Variants in ENAH observed in about 807,000 individuals in gnomAD.
ENAH encodes the protein ENAH actin regulator.
ENAH carries 23 observed loss-of-function variants against 78.7 expected under a neutral mutation model. The observed-to-expected ratio is 0.29, with a 90% CI of 0.21 to 0.41. The LOEUF (loss-of-function observed/expected upper bound fraction) is 0.41, where lower values mean the gene tolerates loss of function less well. ENAH is among the 10% of genes least tolerant of loss of function. The pLI, the probability that ENAH is intolerant of heterozygous loss-of-function variation, is 1.00. For missense variants in ENAH, 544 were observed against 691.0 expected, an observed-to-expected ratio of 0.79 and a Z score of 2.39; for synonymous variants, 226 against 241.0, an observed-to-expected ratio of 0.94 and a Z score of 0.58.
chr1:225,598,691 T>A, intron 1 of ENAH, among the ~76,000 whole-genome samples: 1 of 149,404 alleles, frequency 6.7e-6, no homozygotes. Flanking sequence ...TGGAAAAAAA[T>A]AAAAGAATGG....
chr1:225,648,757 C>T (rs561448908), intron 1 of ENAH, among the ~76,000 whole-genome samples: 1 of 127,200 alleles, frequency 7.9e-6, no homozygotes, highest in African/African-American at 3.1e-5. Context: ...AAGATTATCT[C>T]CTTTTTTTTT....
chr1:225,547,186 C>T (rs192427401), intron 3 of ENAH, among the ~76,000 whole-genome samples: 64 of 152,170 alleles, frequency 4.2e-4, no homozygotes, highest in Admixed American at 1.6e-3. Flanking sequence ...ATTCTCCTGC[C>T]TCAGCCTCTT....
At chr1:225,576,430 G>T (rs1032782262) in intron 1 of ENAH, among the ~76,000 whole-genome samples, 4 of 152,076 alleles carry the variant, frequency 2.6e-5, no homozygotes, top group African/African-American at 7.2e-5. Context: ...TAAATGTTTT[G>T]AAAAGTCTTT....
chr1:225,543,759 G>T (rs2096600528), intron 3 of ENAH, among the ~76,000 whole-genome samples: 1 of 152,168 alleles, frequency 6.6e-6, no homozygotes, highest in Non-Finnish European at 1.5e-5. Flanking sequence ...GATTAGAACA[G>T]CATCTACCCC....
chr1:225,541,298 GGTGGCAT>G (rs2096587204), intron 3 of ENAH, among the ~76,000 whole-genome samples: 1 of 151,984 alleles, frequency 6.6e-6, no homozygotes, highest in African/African-American at 2.4e-5. Context: ...GCCAGGCGTT[GGTGGCAT>G]GTGCCTGTAA....
rs1311648753 is a variant in ENAH at position 225,496,010 on chromosome 1, AGCTTT to A, written c.*1760_*1764del. ...CGTTTAGAAAACTACACTATCAACA[AGCTTT>A]GCTTTATGGACTGAGATGTACAAAA... is the stretch of plus-strand genomic sequence containing the variant. On this transcript the variant is annotated 3_prime_UTR_variant, in exon 14 of 14. Transcript: ENST00000366843. The A allele has an allele frequency of 6.6e-6, 1 of 152,642 alleles. No homozygotes were observed. Among genetic ancestry groups the A allele is most frequent in the Non-Finnish European group, 1.5e-5 (1 of 68,032 alleles). The allele number at this position is 152,642 out of a possible 1,614,324, so 9.5% of individuals were successfully genotyped here. A position where few individuals can be genotyped will look rare whatever the true frequency, so the allele number is the denominator to read the frequency against.
chr1:225,581,786 G>A (rs1345435863), intron 1 of ENAH, among the ~76,000 whole-genome samples: 1 of 151,582 alleles, frequency 6.6e-6, no homozygotes, highest in Non-Finnish European at 1.5e-5. Context: ...CCAGGCCCAA[G>A]CAATCCTCCT....
intron 3 of ENAH, among the ~76,000 whole-genome samples, chr1:225,551,564 C>T (rs1353421828): frequency 6.6e-6 from 1 of 151,994 alleles, no homozygotes; most frequent in Non-Finnish European, 1.5e-5. Context: ...GGATCCGGAA[C>T]CCTATATCAA....
intron 3 of ENAH, among the ~76,000 whole-genome samples, chr1:225,537,317 T>A (rs764945201): frequency 5.3e-4 from 81 of 152,182 alleles, no homozygotes; most frequent in Non-Finnish European, 8.8e-4. Context: ...AATAAAAAAT[T>A]CCCAGTCTTT....
rs548151613 is a variant in ENAH, at chr1:225,615,993, C to A, written c.5+36693G>T. ...ATTTTGTTCTGTACTAAGAAAAATTCTTCTGCCTTGGGATGCTGTTAATCT... is the reference window on the plus strand; with the variant it reads ...ATTTTGTTCTGTACTAAGAAAAATTATTCTGCCTTGGGATGCTGTTAATCT... On this transcript the variant is annotated intron_variant, in intron 1 of 13. Transcript: ENST00000366843. Among the ~76,000 whole-genome samples the A allele has an allele frequency of 1.4e-3, 208 of 152,312 alleles. 1 individual carries two copies. Among genetic ancestry groups the A allele is most frequent in the African/African-American group, 4.9e-3 (204 of 41,578 alleles).
chr1:225,505,250 A>G (rs2096317147), intron 11 of ENAH, among the ~76,000 whole-genome samples: 1 of 152,194 alleles, frequency 6.6e-6, no homozygotes. Flanking sequence ...GTTACAGAAA[A>G]TTTTAAAAAT....
At chr1:225,620,834 G>A (rs529172200) in intron 1 of ENAH, among the ~76,000 whole-genome samples, 4 of 151,858 alleles carry the variant, frequency 2.6e-5, no homozygotes, top group South Asian at 2.1e-4. Context: ...GTGAAACCCC[G>A]TATCTACTAA....
intron 3 of ENAH, among the ~76,000 whole-genome samples, chr1:225,553,474 G>A (rs2096651420): frequency 6.6e-6 from 1 of 151,610 alleles, no homozygotes; most frequent in South Asian, 2.1e-4. Flanking sequence ...TAAAAATAAT[G>A]CTAGTTTGTT....
chr1:225,500,939 T>C, intron 12 of ENAH, 53 bp downstream of exon 12: 1 of 1,526,344 alleles, frequency 6.6e-7, no homozygotes, highest in Non-Finnish European at 9.1e-7. Flanking sequence ...ATATGGGATA[T>C]TTTTTAAAAA....
intron 1 of ENAH, among the ~76,000 whole-genome samples, chr1:225,574,516 C>T (rs1232351029): frequency 2.0e-5 from 3 of 151,778 alleles, no homozygotes; most frequent in African/African-American, 4.8e-5. Context: ...ACATGAGATT[C>T]GCTTGAACCT....
chr1:225,545,294 T>C (rs1343240054), intron 3 of ENAH, among the ~76,000 whole-genome samples: 3 of 152,294 alleles, frequency 2.0e-5, no homozygotes, highest in South Asian at 2.1e-4. Flanking sequence ...AAAAAGACTA[T>C]AGAAATCCCA....
chr1:225,533,605 CTTAAT>C (rs2096548275), intron 3 of ENAH, among the ~76,000 whole-genome samples: 1 of 152,068 alleles, frequency 6.6e-6, no homozygotes, highest in African/African-American at 2.4e-5. Context: ...AGTGGCTGAT[CTTAAT>C]TTGTCCTGGC....
At chr1:225,621,296 C>CTTTTT (rs757480714) in intron 1 of ENAH, among the ~76,000 whole-genome samples, 3 of 142,762 alleles carry the variant, frequency 2.1e-5, no homozygotes, top group Non-Finnish European at 3.1e-5. Flanking sequence ...ATCTATCTCT[C>CTTTTT]TTTTTTTTTT....
intron 2 of ENAH, among the ~76,000 whole-genome samples, chr1:225,562,357 G>T (rs1164063112): frequency 1.1e-4 from 16 of 151,760 alleles, no homozygotes; most frequent in Admixed American, 4.6e-4. Flanking sequence ...CAGATCACGA[G>T]GTCAGGAGAT....
Sources: allele counts gnomAD v4.1 joint callset (sites outside exome capture counted in the v4.1 genomes callset), GRCh38; gene constraint gnomAD v4.1.1; transcripts MANE v1.5; gene names NCBI Gene and HGNC (gene_info 2026-07-23, HGNC 2026-07-21).